The following FHIP1A variants were observed in gnomAD, a reference collection of about 807,000 sequenced individuals.
The protein encoded by FHIP1A is FHF complex subunit HOOK interacting protein 1A.
FHIP1A carries 61 observed loss-of-function variants against 88.6 expected under a neutral mutation model. The observed-to-expected ratio is 0.69, with a 90% confidence interval of 0.56 to 0.85. The LOEUF is 0.85. Ranked by LOEUF, FHIP1A falls within the 40% of genes least tolerant of loss-of-function variation. The pLI is 0.00. For missense variants in FHIP1A, 1,154 were observed against 1,273.5 expected, an observed-to-expected ratio of 0.91 and a Z score of 1.43; for synonymous variants, 478 against 496.0, an observed-to-expected ratio of 0.96 and a Z score of 0.48.
intron 2 of FHIP1A, among the ~76,000 whole-genome samples, chr4:151,472,234 G>C (rs1237011079): frequency 6.6e-6 from 1 of 152,090 alleles, no homozygotes. Context: ...TTTCAAAATA[G>C]CTTTGCCCTA....
chr4:151,487,576 G>A (rs936918105), intron 3 of FHIP1A, among the ~76,000 whole-genome samples: 2 of 152,176 alleles, frequency 1.3e-5, no homozygotes, highest in African/African-American at 2.4e-5. Context: ...CTTCACACCT[G>A]AAATCCGTGC....
chr4:151,656,086 G>C lies in FHIP1A; in HGVS notation c.2552-146G>C, dbSNP rs186319162. ...TTTCCGTTTTGGTTTTGAGGCAGGA[G>C]AAAACGTGGCCATATTTGCTGTGTC... is the stretch of plus-strand genomic sequence containing the variant. On this transcript the variant is annotated intron_variant, in intron 11 of 13. Transcript: ENST00000435205. This position sits in a 1 kb window ranked among gnomAD's most constrained non-coding sequence, Gnocchi z 4.2. The C allele has an allele frequency of 3.4e-5, 19 of 565,550 alleles. No homozygotes were observed. In the East Asian group the frequency reaches 5.6e-4, roughly 17 times the overall value. 35.0% of individuals were successfully genotyped at this position (565,550 alleles called of 1,614,324 possible).
intron 7 of FHIP1A, among the ~76,000 whole-genome samples, chr4:151,611,907 G>T (rs1735337477): frequency 6.6e-6 from 1 of 152,192 alleles, no homozygotes; most frequent in Admixed American, 6.5e-5. Context: ...AGATTAGATG[G>T]ATTGATTTCA....
intron 8 of FHIP1A, among the ~76,000 whole-genome samples, chr4:151,635,958 T>A (rs1432399469): frequency 6.6e-6 from 1 of 151,898 alleles, no homozygotes; most frequent in East Asian, 1.9e-4. Flanking sequence ...GAGGAGGAAA[T>A]ACATCTCAAC....
At chr4:151,600,232 G>A (rs867514302) in intron 7 of FHIP1A, among the ~76,000 whole-genome samples, 1 of 152,224 alleles carries the variant, frequency 6.6e-6, no homozygotes, top group Non-Finnish European at 1.5e-5. Flanking sequence ...AGAGAACCTT[G>A]TGAATGGCCC....
chr4:151,545,365 CCTT>C (rs1489929675), intron 3 of FHIP1A, among the ~76,000 whole-genome samples: 1 of 138,884 alleles, frequency 7.2e-6, no homozygotes, highest in Non-Finnish European at 1.5e-5. Context: ...ATTTCCTTAT[CCTT>C]CTTTTTTTTT....
At chr4:151,495,569 GTC>G (rs1009054405) in intron 3 of FHIP1A, among the ~76,000 whole-genome samples, 7 of 151,060 alleles carry the variant, frequency 4.6e-5, no homozygotes, top group African/African-American at 1.7e-4. Context: ...AAAGTGGTTT[GTC>G]TCTCATGTTG....
At chr4:151,625,529 G>A (rs982572615) in intron 7 of FHIP1A, among the ~76,000 whole-genome samples, 1 of 152,210 alleles carries the variant, frequency 6.6e-6, no homozygotes, top group South Asian at 2.1e-4. Flanking sequence ...GACTAGAGCT[G>A]ATTACAGAAA....
intron 7 of FHIP1A, among the ~76,000 whole-genome samples, chr4:151,627,423 G>A (rs1479947976): frequency 6.6e-6 from 1 of 152,176 alleles, no homozygotes; most frequent in Non-Finnish European, 1.5e-5. Flanking sequence ...CTTAAGGGGG[G>A]AAAAGCTGAT....
chr4:151,620,232 T>G (rs1300625830), intron 7 of FHIP1A, among the ~76,000 whole-genome samples: 2 of 152,148 alleles, frequency 1.3e-5, no homozygotes, highest in African/African-American at 4.8e-5. Context: ...GGAGAGATGG[T>G]GTTCATGTTC....
chr4:151,453,224 C>T (rs569429680), intron 1 of FHIP1A, among the ~76,000 whole-genome samples: 15 of 152,156 alleles, frequency 9.9e-5, no homozygotes, highest in Non-Finnish European at 1.9e-4. Flanking sequence ...CCATGTTGGC[C>T]AGGCTGATCT....
chr4:151,446,822 CT>C (rs1383746271), intron 1 of FHIP1A, among the ~76,000 whole-genome samples: 1 of 152,044 alleles, frequency 6.6e-6, no homozygotes, highest in East Asian at 1.9e-4. Context: ...GCTTGTGAGG[CT>C]GGCTCTGCTG....
At position 151,632,550 on chromosome 4, in the gene FHIP1A, C is replaced by T. The variant is rs1167101749; in HGVS notation, c.1146+2681C>T. ...GGATATACGGTTCTCCTCAAGGGCA[C>T]ATGGAACATTCTCCAGGATAGACCA... On this transcript the variant is annotated intron_variant, in intron 8 of 13. Coordinates refer to ENST00000435205, the MANE Select transcript of FHIP1A (RefSeq NM_001109977.3). Among the ~76,000 whole-genome samples, 6 of 152,010 alleles carry T rather than the reference C, an allele frequency of 3.9e-5. No homozygotes were observed. The East Asian group carries it at 1.2e-3, about 29-fold the overall frequency.
chr4:151,443,675 A>T (rs1215320742), intron 1 of FHIP1A, among the ~76,000 whole-genome samples: 1 of 78,502 alleles, frequency 1.3e-5, no homozygotes, highest in East Asian at 3.3e-4. Flanking sequence ...AGAATTCTAA[A>T]TGAAGCACTC....
chr4:151,526,598 T>C (rs1731660525), intron 3 of FHIP1A, among the ~76,000 whole-genome samples: 1 of 128,586 alleles, frequency 7.8e-6, no homozygotes, highest in African/African-American at 3.0e-5. Flanking sequence ...ACGGGGCGGC[T>C]GGCCGGGCGA....
intron 2 of FHIP1A, among the ~76,000 whole-genome samples, chr4:151,464,813 G>T (rs1316153411): frequency 1.3e-5 from 2 of 152,072 alleles, no homozygotes; most frequent in Non-Finnish European, 2.9e-5. Flanking sequence ...TAAGAGATTG[G>T]AGTGTACTAG....
intron 10 of FHIP1A, 61 bp from the exon 11 acceptor site, chr4:151,649,398 C>G (rs2126909441): frequency 7.8e-7 from 1 of 1,274,154 alleles, no homozygotes; most frequent in Admixed American, 2.2e-5. Flanking sequence ...GGTCACAACC[C>G]CATCCACTAC....
At chr4:151,444,491 G>A (rs944167142) in intron 1 of FHIP1A, among the ~76,000 whole-genome samples, 1 of 152,052 alleles carries the variant, frequency 6.6e-6, no homozygotes, top group African/African-American at 2.4e-5. Context: ...AAACCCGTTT[G>A]TCCTCCCTTC....
At chr4:151,509,371 T>G (rs549397535) in intron 3 of FHIP1A, among the ~76,000 whole-genome samples, 2 of 152,042 alleles carry the variant, frequency 1.3e-5, no homozygotes, top group Non-Finnish European at 2.9e-5. Flanking sequence ...TTCATCACAT[T>G]AGCCAGGATG....
Sources: gnomAD v4.1 joint callset for allele counts (sites outside exome capture counted in the v4.1 genomes callset) on GRCh38, gnomAD v4.1.1 for gene constraint, Gnocchi (gnomAD v3.1) non-coding constraint, MANE v1.5 for transcripts, NCBI Gene and HGNC (gene_info 2026-07-23, HGNC 2026-07-21) for gene names.